The following ALK variants were observed in gnomAD, a reference collection of about 807,000 sequenced individuals.
ALK encodes the protein ALK receptor tyrosine kinase, also known as ALK tyrosine kinase receptor.
Under a neutral mutation model 163.1 loss-of-function variants are expected in ALK, and 74 were observed. That is an observed-to-expected ratio of 0.45 (90% CI 0.38 to 0.55). ALK has a LOEUF of 0.55. Ranked by LOEUF, ALK falls within the 20% of genes least tolerant of loss-of-function variation. ALK has a pLI of 0.00. For missense variants in ALK, 2,063 were observed against 2,105.3 expected (o/e 0.98, Z 0.39); for synonymous variants, 960 against 843.2 (o/e 1.14, Z -2.40).
chr2:29,477,177 G>A (rs1671546780), intron 4 of ALK, among the ~76,000 whole-genome samples: 1 of 152,104 alleles, frequency 6.6e-6, no homozygotes, highest in Non-Finnish European at 1.5e-5. Flanking sequence ...ATACTTCCTG[G>A]GGTGGAAGGT....
intron 9 of ALK, 43 bp from the exon 10 acceptor site, chr2:29,275,539 G>A (rs1401585079): frequency 6.2e-7 from 1 of 1,602,436 alleles, no homozygotes; most frequent in Non-Finnish European, 8.5e-7. Flanking sequence ...CAAACTGGGG[G>A]GTCTTGTCTT....
intron 1 of ALK, among the ~76,000 whole-genome samples, chr2:29,896,668 T>C (rs1003538869): frequency 6.6e-6 from 1 of 152,172 alleles, no homozygotes; most frequent in Non-Finnish European, 1.5e-5. Context: ...TTCTGTAGGA[T>C]TTTCTGATGG....
At position 29,876,686 on chromosome 2, in the gene ALK, T is replaced by TGGTAGTG. The variant is rs879429677; in HGVS notation, c.667+43306_667+43307insCACTACC. Among the ~76,000 whole-genome samples the TGGTAGTG allele has an allele frequency of 3.6e-5, 5 of 138,102 alleles. No individual in the cohort carries two copies. The South Asian group carries it at 1.2e-3, about 33-fold the overall frequency. The allele number at this position is 138,102 out of a possible 152,430, so 90.6% of individuals were successfully genotyped here. A position where few individuals can be genotyped will look rare whatever the true frequency, so the allele number is the denominator to read the frequency against. On this transcript the variant is annotated intron_variant, in intron 1 of 28. Transcript: ENST00000389048. ...GTGGTGATGATGGTAACGATGGTGATATGGTGATGGTAGTGATGGTGATGG... is the reference window on the plus strand; with the variant it reads ...GTGGTGATGATGGTAACGATGGTGATGGTAGTGATGGTGATGGTAGTGATGGTGATGG...
chr2:29,729,031 C>T (rs1679658027), intron 1 of ALK, among the ~76,000 whole-genome samples: 1 of 152,230 alleles, frequency 6.6e-6, no homozygotes, highest in Non-Finnish European at 1.5e-5. Context: ...ACCTGACTTG[C>T]CAGGGACCCT....
At position 29,308,589 on chromosome 2, in the gene ALK, C is replaced by T. The variant is rs1172774742; in HGVS notation, c.1647+9715G>A. ...GAGCTTCTGTGGAATGCGGTGGGAC[C>T]GTGCTGTGAACGGAACGCAAGCTTT... On this transcript the variant is annotated intron_variant, in intron 8 of 28. Transcript: ENST00000389048. 3.9e-5 allele frequency among the ~76,000 whole-genome samples: 6 copies of T among 152,146 alleles called. No individual in the cohort carries two copies. In the South Asian group the frequency reaches 8.3e-4, roughly 21 times the overall value.
intron 4 of ALK, among the ~76,000 whole-genome samples, chr2:29,427,922 A>C (rs1350971831): frequency 6.6e-6 from 1 of 152,126 alleles, no homozygotes; most frequent in Non-Finnish European, 1.5e-5. Flanking sequence ...AAATCATACA[A>C]ATTATTTTCT....
intron 3 of ALK, among the ~76,000 whole-genome samples, chr2:29,572,906 G>A (rs1170455350): frequency 2.6e-5 from 4 of 152,072 alleles, no homozygotes; most frequent in Non-Finnish European, 5.9e-5. Flanking sequence ...GGTGGTCCAT[G>A]CATCTCTGTG....
chr2:29,353,779 T>C (rs1668175599), intron 5 of ALK, among the ~76,000 whole-genome samples: 4 of 152,010 alleles, frequency 2.6e-5, no homozygotes, highest in Non-Finnish European at 4.4e-5. Context: ...CAGATGAAAC[T>C]GGTGACATTG....
intron 3 of ALK, among the ~76,000 whole-genome samples, chr2:29,607,821 G>C (rs1312161204): frequency 6.6e-6 from 1 of 150,958 alleles, no homozygotes; most frequent in Non-Finnish European, 1.5e-5. Flanking sequence ...ATCTCATCCT[G>C]TCTCGTGGCT....
chr2:29,709,229 C>T (rs80328971), intron 2 of ALK, among the ~76,000 whole-genome samples: 8,312 of 152,200 alleles, frequency 0.055, 730 homozygotes, highest in African/African-American at 0.19. Context: ...ATCTTTGAAT[C>T]CTCAACCAAA....
At chr2:29,401,077 G>T (rs1048599189) in intron 4 of ALK, among the ~76,000 whole-genome samples, 3 of 152,094 alleles carry the variant, frequency 2.0e-5, no homozygotes, top group African/African-American at 7.2e-5. Flanking sequence ...ACAAATTGCT[G>T]TCATCAGATA....
chr2:29,691,285 T>G (rs1678388772), intron 3 of ALK, among the ~76,000 whole-genome samples: 1 of 152,230 alleles, frequency 6.6e-6, no homozygotes, highest in African/African-American at 2.4e-5. Flanking sequence ...CCATGCTGTG[T>G]GAGTACAGAC....
intron 1 of ALK, among the ~76,000 whole-genome samples, chr2:29,849,012 C>A (rs987712341): frequency 6.6e-6 from 1 of 152,214 alleles, no homozygotes; most frequent in Non-Finnish European, 1.5e-5. Flanking sequence ...ATAGTCTCAC[C>A]TGCCCTTGGC....
intron 1 of ALK, among the ~76,000 whole-genome samples, chr2:29,756,328 G>A (rs1317175760): frequency 6.6e-6 from 1 of 152,098 alleles, no homozygotes; most frequent in East Asian, 1.9e-4. Context: ...TTTATACTTT[G>A]TCAGTCCTAA....
At chr2:29,618,719 G>A (rs574538367) in intron 3 of ALK, among the ~76,000 whole-genome samples, 38 of 152,330 alleles carry the variant, frequency 2.5e-4, no homozygotes, top group Admixed American at 7.8e-4. Flanking sequence ...GGTGGCTCAT[G>A]CCTGTAATCC....
intron 11 of ALK, among the ~76,000 whole-genome samples, chr2:29,253,199 T>G (rs1374515308): frequency 1.3e-5 from 2 of 152,174 alleles, no homozygotes; most frequent in African/African-American, 4.8e-5. Flanking sequence ...TAATTCAGAC[T>G]CTTTATAGAA....
At chr2:29,823,483 T>C (rs1235212124) in intron 1 of ALK, among the ~76,000 whole-genome samples, 1 of 152,172 alleles carries the variant, frequency 6.6e-6, no homozygotes, top group East Asian at 1.9e-4. Flanking sequence ...TAAAGACTTG[T>C]TGAATGGCTT....
At chr2:29,341,843 C>T (rs1320170432) in intron 5 of ALK, among the ~76,000 whole-genome samples, 2 of 152,186 alleles carry the variant, frequency 1.3e-5, no homozygotes, top group Non-Finnish European at 2.9e-5. Flanking sequence ...AGATGAAGAT[C>T]ACTTGCTATG....
At chr2:29,707,980 T>C (rs1424549533) in intron 2 of ALK, among the ~76,000 whole-genome samples, 1 of 152,180 alleles carries the variant, frequency 6.6e-6, no homozygotes, top group Non-Finnish European at 1.5e-5. Context: ...ATTCCCAAGA[T>C]GAGTTTTCCC....
Sources: allele counts gnomAD v4.1 joint callset (sites outside exome capture counted in the v4.1 genomes callset), GRCh38; gene constraint gnomAD v4.1.1; transcripts MANE v1.5; gene names NCBI Gene and HGNC (gene_info 2026-07-23, HGNC 2026-07-21).